ZNF726: variants seen among roughly 807,000 people sequenced by gnomAD.
ZNF726 encodes zinc finger protein 726, also known as zinc finger protein 92 pseudogene 3.
A neutral mutation model predicts 11.6 loss-of-function variants in ZNF726; 15 were observed. The ratio of observed to expected loss-of-function variants is 1.29; its 90% CI spans 0.86 to 1.99. The LOEUF (loss-of-function observed/expected upper bound fraction) is 1.99, where lower values mean the gene tolerates loss of function less well. Among genes scored for constraint, ZNF726 ranks in the 30% most tolerant of loss-of-function variants. The probability of loss-of-function intolerance (pLI) is 0.00; values close to 1 mark genes in which losing one functional copy is unlikely to be tolerated. For synonymous variants in ZNF726, 295 were observed against 243.6 expected (o/e 1.21, Z -1.96); for missense variants, 890 against 725.6 (o/e 1.23, Z -2.60).
downstream of ZNF726, chr19:23,935,708 T>A (rs1279217852): frequency 4.0e-6 from 1 of 247,752 alleles, no homozygotes; most frequent in East Asian, 1.0e-4. Flanking sequence ...AAACTACCAA[T>A]GTGAACAATG....
Position 23,934,029 on chromosome 19 carries a change from A to G in ZNF726, c.*62A>G, listed in dbSNP as rs1193750864. 21 of 1,550,556 alleles carry G rather than the reference A, an allele frequency of 1.4e-5. No homozygotes were observed. Among genetic ancestry groups the G allele is most frequent in the African/African-American group, 2.7e-5 (2 of 73,150 alleles). ...ATTTATATGGTCCTCAACGCTAAACATAAGAGGATGCACACTGGAGAGAAA... is the reference window on the plus strand; with the variant it reads ...ATTTATATGGTCCTCAACGCTAAACGTAAGAGGATGCACACTGGAGAGAAA... On this transcript the variant is annotated 3_prime_UTR_variant, in exon 4 of 4. Coordinates refer to ENST00000594466, the MANE Select transcript of ZNF726 (RefSeq NM_001244038.2).
At chr19:23,944,536 T>A (rs1049094351) in intron 4 of ZNF726, 2 of 153,120 alleles carry the variant, frequency 1.3e-5, no homozygotes, top group African/African-American at 4.8e-5. Flanking sequence ...TTTTGAGTTG[T>A]TTGAGTTACT....
chr19:23,932,990 A>C lies in ZNF726; in HGVS notation c.874A>C (p.Lys292Gln), dbSNP rs1968145603. 6.2e-7 allele frequency: 1 copy of C among 1,612,772 alleles called. No individual in the cohort carries two copies. Residue 292 changes from lysine to glutamine, a missense_variant, in exon 4 of 4, where the codon AAA (lysine) becomes CAA (glutamine). Lys to Gln is a moderately conservative substitution (Grantham distance 53). Coordinates refer to ENST00000594466, the MANE Select transcript of ZNF726 (RefSeq NM_001244038.2). ...ACCCTGCAAATGTGAAGAATGTGGCAAAGCATTTAGCCAACCCTCAGCACT... is the reference window on the plus strand; with the variant it reads ...ACCCTGCAAATGTGAAGAATGTGGCCAAGCATTTAGCCAACCCTCAGCACT... Reference protein sequence around the residue: ...EKPCKCEECGKAFSQPSALTI... With the variant: ...EKPCKCEECGQAFSQPSALTI...
chr19:23,920,427 T>C (rs1236157939), intron 3 of ZNF726: 1 of 171,992 alleles, frequency 5.8e-6, no homozygotes, highest in African/African-American at 2.4e-5. Flanking sequence ...TAAAATTTTT[T>C]TTTGTTTTAG....
downstream of ZNF726, among the ~76,000 whole-genome samples, chr19:23,939,135 C>T (rs186504582): frequency 1.1e-4 from 16 of 151,522 alleles, no homozygotes; most frequent in Middle Eastern, 3.4e-3. Context: ...ACTCTTCCCC[C>T]CCAAGTCTCC....
Position 23,933,610 on chromosome 19 carries a change from A to C in ZNF726, c.1494A>C (p.Ala498=), listed in dbSNP as rs1968169205. The stretch of plus-strand genomic sequence containing the variant: ...TTAGCCAGTCCTCAACCCTTACTGC[A>C]CATAAGATAATTCATACTGGAGAGA... ...KAFSQSSTLT[A]HKIIHTGEKP... The change falls in exon 4 of 4, where the codon GCA becomes GCC. Residue 498 remains alanine, a synonymous_variant. Transcript: ENST00000594466. 4 of 1,611,822 alleles carry C rather than the reference A, an allele frequency of 2.5e-6. No homozygotes were observed. The highest frequency in any genetic ancestry group is 1.1e-5 in the South Asian group (1 of 91,044).
At chr19:23,943,440 G>A (rs1968368943) in intron 3 of ZNF726, 2 of 539,440 alleles carry the variant, frequency 3.7e-6, no homozygotes, top group Admixed American at 2.6e-5. Context: ...CATGGTACTA[G>A]GTTGCTAACT....
chr19:23,934,983 C>T (rs1245965508), downstream of ZNF726, among the ~76,000 whole-genome samples: 4 of 152,204 alleles, frequency 2.6e-5, no homozygotes. Context: ...AAATGACTCT[C>T]TAATGGTGGA....
chr19:23,927,389 ATTG>A (rs1255476241), intron 3 of ZNF726, among the ~76,000 whole-genome samples: 7 of 152,182 alleles, frequency 4.6e-5, no homozygotes, highest in African/African-American at 1.4e-4. Context: ...ATATTTTTAT[ATTG>A]TTCAGTTTTA....
chr19:23,918,480 T>G (rs1358593360), intron 1 of ZNF726, among the ~76,000 whole-genome samples: 2 of 152,158 alleles, frequency 1.3e-5, no homozygotes, highest in Non-Finnish European at 2.9e-5. Flanking sequence ...ATCTTGGACT[T>G]TCCATAAAAA....
At chr19:23,929,212 A>G (rs1028435397) in intron 3 of ZNF726, 2 of 151,902 alleles carry the variant, frequency 1.3e-5, no homozygotes, top group African/African-American at 4.8e-5. Context: ...TTTCATTTTA[A>G]TTGTGTAGTG....
rs748361589 is a variant in ZNF726, at chr19:23,933,636, A to C, written c.1520A>C (p.Lys507Thr). The stretch of plus-strand genomic sequence containing the variant: ...CATAAGATAATTCATACTGGAGAGA[A>C]ACCCTACAAATGTGAAGAATGTGGC... ...TAHKIIHTGEKPYKCEECGKA... is the reference protein window; with the variant it reads ...TAHKIIHTGETPYKCEECGKA... Residue 507 changes from lysine to threonine, a missense_variant, in exon 4 of 4, where the codon AAA becomes ACA. Coordinates refer to ENST00000594466, the MANE Select transcript of ZNF726 (RefSeq NM_001244038.2). 30 of 1,612,760 alleles carry C rather than the reference A, an allele frequency of 1.9e-5. No individual in the cohort carries two copies. Among genetic ancestry groups the C allele is most frequent in the Non-Finnish European group, 2.5e-5 (30 of 1,179,986 alleles).
intron 3 of ZNF726, among the ~76,000 whole-genome samples, chr19:23,925,689 A>G (rs557337841): frequency 6.9e-6 from 1 of 144,362 alleles, no homozygotes; most frequent in African/African-American, 2.5e-5. Flanking sequence ...AAGTTATTCA[A>G]TTTGATTGTT....
rs1316194570 is a variant in ZNF726 at position 23,943,543 on chromosome 19, A to ATTTT, written c.276_277insTTTT (p.Glu93PhefsTer2). ...TGATCTCCTGCCTTGAGCAAATAAA[A>ATTTT]GAGCCCTGGAATGTGAAGAGACATG... On this transcript the variant is annotated frameshift_variant, in exon 4 of 5. Coordinates refer to the ZNF726 transcript ENST00000334589. LOFTEE classifies it low-confidence loss of function (END_TRUNC). 1.5e-6 allele frequency: 1 copy of ATTTT among 679,748 alleles called. No homozygotes were observed. The highest frequency in any genetic ancestry group is 2.7e-6 in the Non-Finnish European group (1 of 368,888). 42.1% of individuals were successfully genotyped at this position (679,748 alleles called of 1,614,324 possible).
chr19:23,919,678 C>T, intron 2 of ZNF726, 179 bp downstream of exon 2: 2 of 749,848 alleles, frequency 2.7e-6, no homozygotes, highest in Non-Finnish European at 3.9e-6. Context: ...TTTCCACATT[C>T]CTGAGCTGAT....
chr19:23,919,557 T>A, intron 2 of ZNF726, 58 bp downstream of exon 2: 1 of 1,505,536 alleles, frequency 6.6e-7, no homozygotes, highest in Admixed American at 2.3e-5. Context: ...ATTTTTCTTT[T>A]GTAGTATGTT....
At chr19:23,930,547 C>A (rs1213034522) in intron 3 of ZNF726, among the ~76,000 whole-genome samples, 1 of 151,834 alleles carries the variant, frequency 6.6e-6, no homozygotes, top group Admixed American at 6.6e-5. Flanking sequence ...AGCCATATGT[C>A]TTTTTCTGAT....
At chr19:23,920,189 T>C (rs778372477) in intron 3 of ZNF726, 107 bp downstream of exon 3, 341 of 744,824 alleles carry the variant, frequency 4.6e-4, no homozygotes, top group Middle Eastern at 1.6e-3. Context: ...GGAAACCGTT[T>C]CTGGAAAGCC....
chr19:23,931,652 C>G (rs1033198355), intron 3 of ZNF726, among the ~76,000 whole-genome samples: 7 of 152,114 alleles, frequency 4.6e-5, no homozygotes. Flanking sequence ...AGTCTGAAAA[C>G]AATTGTCTTG....
Sources: gnomAD v4.1 joint callset for allele counts (sites outside exome capture counted in the v4.1 genomes callset) on GRCh38, gnomAD v4.1.1 for gene constraint, MANE v1.5 for transcripts, NCBI Gene and HGNC (gene_info 2026-07-23, HGNC 2026-07-21) for gene names.